Variants in RNF180 observed in about 807,000 individuals in gnomAD.
The protein encoded by RNF180 is ring finger protein 180.
Under a neutral mutation model 59.2 loss-of-function variants are expected in RNF180, and 38 were observed. The observed-to-expected ratio is 0.64, with a 90% CI of 0.50 to 0.84. The LOEUF is 0.84. Among genes scored for constraint, RNF180 ranks in the 40% least tolerant of loss-of-function variants. RNF180 has a pLI of 0.00. For missense variants in RNF180, 705 were observed against 700.9 expected, an observed-to-expected ratio of 1.01 and a Z score of -0.07; for synonymous variants, 262 against 240.3, an observed-to-expected ratio of 1.09 and a Z score of -0.84.
intron 5 of RNF180, among the ~76,000 whole-genome samples, chr5:64,243,107 C>A (rs1250903863): frequency 6.6e-6 from 1 of 152,220 alleles, no homozygotes; most frequent in Non-Finnish European, 1.5e-5. Flanking sequence ...CCAGGAGATT[C>A]CCTCAGGTGC....
intron 5 of RNF180, among the ~76,000 whole-genome samples, chr5:64,279,313 T>C (rs1006965865): frequency 2.6e-5 from 4 of 152,138 alleles, no homozygotes; most frequent in African/African-American, 9.7e-5. Flanking sequence ...GCTATAGCAA[T>C]TTTATTTTAA....
At chr5:64,274,438 T>C (rs1741601072) in intron 5 of RNF180, among the ~76,000 whole-genome samples, 2 of 152,014 alleles carry the variant, frequency 1.3e-5, no homozygotes, top group Admixed American at 1.3e-4. Context: ...TCGTTGGCAG[T>C]TGATTTTCTG....
chr5:64,337,505 CTTTTTTA>C (rs1214114707), intron 7 of RNF180, among the ~76,000 whole-genome samples: 1 of 151,852 alleles, frequency 6.6e-6, no homozygotes, highest in East Asian at 1.9e-4. Flanking sequence ...TTTTTGCAAT[CTTTTTTA>C]TTTTTTATTA....
intron 5 of RNF180, among the ~76,000 whole-genome samples, chr5:64,259,754 C>T (rs1744207366): frequency 6.6e-6 from 1 of 152,168 alleles, no homozygotes; most frequent in African/African-American, 2.4e-5. Context: ...GAAGCCCCAT[C>T]TCTACTAAAA....
intron 5 of RNF180, among the ~76,000 whole-genome samples, chr5:64,311,705 A>G (rs534186338): frequency 1.3e-3 from 201 of 152,078 alleles, no homozygotes; most frequent in African/African-American, 4.6e-3. Flanking sequence ...GGTTTAGTGG[A>G]CATTTTTGGG....
At chr5:64,181,061 G>T (rs1002146393) in intron 1 of RNF180, among the ~76,000 whole-genome samples, 1 of 152,172 alleles carries the variant, frequency 6.6e-6, no homozygotes, top group Non-Finnish European at 1.5e-5. Flanking sequence ...GGAGTCTGAT[G>T]TTCGAGGGTA....
At chr5:64,191,048 TCTC>T (rs1751124204) in intron 1 of RNF180, among the ~76,000 whole-genome samples, 1 of 152,208 alleles carries the variant, frequency 6.6e-6, no homozygotes, top group African/African-American at 2.4e-5. Flanking sequence ...AAAGTAAACT[TCTC>T]CTTTTTTTGT....
intron 7 of RNF180, among the ~76,000 whole-genome samples, chr5:64,353,905 A>T (rs529429821): frequency 9.9e-5 from 15 of 151,934 alleles, no homozygotes; most frequent in African/African-American, 3.6e-4. Context: ...CACGAGGGAA[A>T]TTAGAAAATA....
At chr5:64,188,818 G>C (rs929197097) in intron 1 of RNF180, among the ~76,000 whole-genome samples, 2 of 152,036 alleles carry the variant, frequency 1.3e-5, no homozygotes, top group African/African-American at 2.4e-5. Context: ...GGACTGGCTT[G>C]GGTTCTATAG....
intron 6 of RNF180, among the ~76,000 whole-genome samples, chr5:64,326,628 G>A (rs183609377): frequency 5.9e-5 from 9 of 152,166 alleles, no homozygotes; most frequent in African/African-American, 1.9e-4. Context: ...CCATATTTCC[G>A]TGAATTTATC....
chr5:64,199,986 A>G (rs1751658969), intron 1 of RNF180, among the ~76,000 whole-genome samples: 3 of 152,352 alleles, frequency 2.0e-5, no homozygotes, highest in Middle Eastern at 3.4e-3. Context: ...TGTCGCTTTC[A>G]GGATAAAGGA....
intron 5 of RNF180, among the ~76,000 whole-genome samples, chr5:64,278,053 A>G (rs928065765): frequency 6.6e-6 from 1 of 152,192 alleles, no homozygotes; most frequent in African/African-American, 2.4e-5. Context: ...ATTGTTTGCT[A>G]TAATGTGTTC....
At chr5:64,256,765 G>C (rs1377150843) in intron 5 of RNF180, among the ~76,000 whole-genome samples, 1 of 152,138 alleles carries the variant, frequency 6.6e-6, no homozygotes, top group Non-Finnish European at 1.5e-5. Context: ...TGATGGGGAT[G>C]ACATTGAATC....
chr5:64,235,117 A>G (rs766933420), intron 5 of RNF180, among the ~76,000 whole-genome samples: 30 of 152,082 alleles, frequency 2.0e-4, no homozygotes, highest in Non-Finnish European at 4.1e-4. Flanking sequence ...TTTCTACAAA[A>G]AAACAAAAAT....
Position 64,232,748 on chromosome 5 carries a change from A to G in RNF180, c.1227+15352A>G, listed in dbSNP as rs191256636. On this transcript the variant is annotated intron_variant, in intron 5 of 7. Transcript: ENST00000389100. Reference sequence around the variant, plus strand: ...AATAACAGCAGTAGTAACAAAAACAATAAACATTTACATAGTGTCTACTGT... The same window carrying G: ...AATAACAGCAGTAGTAACAAAAACAGTAAACATTTACATAGTGTCTACTGT... 3.2e-3 allele frequency among the ~76,000 whole-genome samples: 492 copies of G among 152,354 alleles called. 1 individual carries two copies. Among genetic ancestry groups the G allele is most frequent in the African/African-American group, 0.012 (483 of 41,580 alleles).
At chr5:64,190,899 C>T (rs1751115027) in intron 1 of RNF180, among the ~76,000 whole-genome samples, 1 of 152,044 alleles carries the variant, frequency 6.6e-6, no homozygotes, top group Non-Finnish European at 1.5e-5. Context: ...TTGTTTAAGC[C>T]CCCTAGTCTG....
chr5:64,337,118 A>G (rs1745161616), intron 7 of RNF180, among the ~76,000 whole-genome samples: 1 of 151,728 alleles, frequency 6.6e-6, no homozygotes, highest in East Asian at 1.9e-4. Flanking sequence ...AATTCAGGCA[A>G]TTCTCCCACC....
chr5:64,237,630 A>G (rs1018537374), intron 5 of RNF180, among the ~76,000 whole-genome samples: 14 of 152,292 alleles, frequency 9.2e-5, no homozygotes, highest in Admixed American at 3.3e-4. Flanking sequence ...GGCCAGAGGC[A>G]GAATGATATG....
intron 7 of RNF180, among the ~76,000 whole-genome samples, chr5:64,340,483 A>AGAAT (rs1745314246): frequency 6.6e-6 from 1 of 152,212 alleles, no homozygotes; most frequent in Non-Finnish European, 1.5e-5. Context: ...CACATGGAAA[A>AGAAT]GAATGATTAT....
Sources: gnomAD v4.1 joint callset for allele counts (sites outside exome capture counted in the v4.1 genomes callset) on GRCh38, gnomAD v4.1.1 for gene constraint, MANE v1.5 for transcripts, NCBI Gene and HGNC (gene_info 2026-07-23, HGNC 2026-07-21) for gene names.